FOXR2: variants seen among roughly 807,000 people sequenced by gnomAD.
The protein encoded by FOXR2 is forkhead box protein R2.
For synonymous variants in FOXR2, 109 were observed against 84.1 expected, an observed-to-expected ratio of 1.30 and a Z score of -1.62; for missense variants, 234 against 227.1, an observed-to-expected ratio of 1.03 and a Z score of -0.20.
rs1454252535 is a variant in FOXR2, at chrX:55,625,759, A to G, written c.*1112A>G. ...TTTGCTAAAAAACAAAAAAAGAAAC[A>G]AGCCAGCAGCAACAACAAACACTAC... On this transcript the variant is annotated 3_prime_UTR_variant, in exon 1 of 1. Transcript: ENST00000339140. Among the ~76,000 whole-genome samples, 1 of 111,533 alleles carries G rather than the reference A, an allele frequency of 9.0e-6. No homozygotes were observed. The highest frequency in any genetic ancestry group is 2.8e-4 in the East Asian group (1 of 3,576).
rs1379844729 is a variant in FOXR2 at position 55,624,800 on chromosome X, G to C, written c.*153G>C. The C allele has an allele frequency of 6.7e-6, 3 of 448,640 alleles. No homozygotes were observed. The highest frequency in any genetic ancestry group is 8.5e-5 in the Admixed American group (2 of 23,630). The allele number at this position is 448,640 out of a possible 1,213,427, so 37.0% of individuals were successfully genotyped here. On this transcript the variant is annotated 3_prime_UTR_variant, in exon 1 of 1. Coordinates refer to ENST00000339140, the MANE Select transcript of FOXR2 (RefSeq NM_198451.4). ...TGGTGTTAAGTAAAGTTAGAGGTGGGTACAGGGGAGACAGAACTTAAATCC... is the reference window on the plus strand; with the variant it reads ...TGGTGTTAAGTAAAGTTAGAGGTGGCTACAGGGGAGACAGAACTTAAATCC...
At position 55,624,611 on chromosome X, in the gene FOXR2, T is replaced by A. The variant is rs1032947987; in HGVS notation, c.900T>A (p.Ser300Arg). 1.7e-6 allele frequency: 2 copies of A among 1,207,183 alleles called. No individual in the cohort carries two copies. The highest frequency in any genetic ancestry group is 3.0e-5 in the East Asian group (1 of 33,706). ...AQRERIQECM[S>R]QPELLTSLFD... Reference sequence around the variant, plus strand: ...GGGAGAGAATCCAAGAGTGCATGAGTCAGCCAGAGTTGTTGACCTCTCTCT... The same window carrying A: ...GGGAGAGAATCCAAGAGTGCATGAGACAGCCAGAGTTGTTGACCTCTCTCT... Residue 300 changes from serine (S) to arginine (R), a missense_variant, in exon 1 of 1, where the codon AGT becomes AGA. Ser to Arg is a moderately radical substitution (Grantham distance 110, BLOSUM62 -1). Transcript: ENST00000339140.
Position 55,624,253 on chromosome X carries a change from G to A in FOXR2, c.542G>A (p.Trp181Ter). 1 of 1,211,886 alleles carries A rather than the reference G, an allele frequency of 8.3e-7. No homozygotes were observed. Among genetic ancestry groups the A allele is most frequent in the Non-Finnish European group, 1.1e-6 (1 of 895,568 alleles). Residue 181 changes from tryptophan (W) to a stop codon, truncating the protein, a stop_gained, in exon 1 of 1, where the codon TGG becomes TAG. Transcript: ENST00000339140. LOFTEE classifies it low-confidence loss of function (END_TRUNC). The stretch of plus-strand genomic sequence containing the variant: ...AAATGTTACCAGAGCCAGAAACTAT[G>A]GCAAATCAACAACCAAGAGAAGTCC... Reference protein sequence around the residue: ...EMKCYQSQKLWQINNQEKSWQ... With the variant: ...EMKCYQSQKL
rs764020624 is a variant in FOXR2 at position 55,624,935 on chromosome X, T to C, written c.*288T>C. Reference sequence around the variant, plus strand: ...GGCATAGAAACTAAGGAAAGAAGGGTGTGTTTTGTGAAAGAAAGGAATTTT... The same window carrying C: ...GGCATAGAAACTAAGGAAAGAAGGGCGTGTTTTGTGAAAGAAAGGAATTTT... On this transcript the variant is annotated 3_prime_UTR_variant, in exon 1 of 1. Coordinates refer to ENST00000339140, the MANE Select transcript of FOXR2 (RefSeq NM_198451.4). The C allele has an allele frequency of 3.3e-6, 1 of 300,805 alleles. No homozygotes were observed. The highest frequency in any genetic ancestry group is 5.4e-5 in the East Asian group (1 of 18,429). The allele number at this position is 300,805 out of a possible 1,213,427, so 24.8% of individuals were successfully genotyped here.
rs752505595 is a variant in FOXR2, at chrX:55,624,546, C to T, written c.835C>T (p.Arg279Cys). The T allele has an allele frequency of 1.4e-4, 174 of 1,210,007 alleles. No individual in the cohort carries two copies. Among genetic ancestry groups the T allele is most frequent in the Non-Finnish European group, 1.9e-4 (167 of 894,702 alleles). Residue 279 changes from arginine to cysteine, a missense_variant, in exon 1 of 1, where the codon CGC becomes TGC. Coordinates refer to ENST00000339140, the MANE Select transcript of FOXR2 (RefSeq NM_198451.4). ...GAAGCTCACTAAGGAGGGGCACCGC[C>T]GCTTTTGGGAGGAGACTCGTGTCTT... ...LWKLTKEGHR[R>C]FWEETRVLAF... is the part of the protein sequence containing the mutation.
chrX:55,624,010 G>C lies in FOXR2; in HGVS notation c.299G>C (p.Gly100Ala), dbSNP rs1327158469. ...AGCCAGGAGGCCCCAAAGCCCAGTG[G>C]AAAAGAGGATCTGACAAACATTTCT... ...LGSQEAPKPS[G>A]KEDLTNISPF... Residue 100 changes from glycine to alanine, a missense_variant, in exon 1 of 1, where the codon GGA becomes GCA. Transcript: ENST00000339140. 6 of 1,211,551 alleles carry C rather than the reference G, an allele frequency of 5.0e-6. No individual in the cohort carries two copies. The South Asian group carries it at 1.1e-4, about 21-fold the overall frequency.
In FOXR2 at chrX:55,624,704, G is replaced by A. The variant is rs940241676; in HGVS notation, c.*57G>A. The A allele has an allele frequency of 1.1e-6, 1 of 932,639 alleles. No individual in the cohort carries two copies. Among genetic ancestry groups the A allele is most frequent in the Non-Finnish European group, 1.5e-6 (1 of 664,209 alleles). 76.9% of individuals were successfully genotyped at this position (932,639 alleles called of 1,213,427 possible). On this transcript the variant is annotated 3_prime_UTR_variant, in exon 1 of 1. Transcript: ENST00000339140. ...TCCTTACTGTGCCTACTTATCCCCT[G>A]ACATTCATTAATCTCTAAACTTACC...
Position 55,623,441 on chromosome X carries a change from A to G in FOXR2, c.-271A>G, listed in dbSNP as rs761989020. 1.4e-5 allele frequency: 4 copies of G among 288,898 alleles called. 1 individual carries two copies. The East Asian group carries it at 2.0e-4, about 15-fold the overall frequency. The allele number at this position is 288,898 out of a possible 1,213,427, so 23.8% of individuals were successfully genotyped here. A position where few individuals can be genotyped will look rare whatever the true frequency, so the allele number is the denominator to read the frequency against. ...TTTCTGCTTCCAATCAAAGCTCAAG[A>G]ATTCCACCTAAAAATGTTTTTCTGC... On this transcript the variant is annotated 5_prime_UTR_variant, in exon 1 of 1. Transcript: ENST00000339140.
At position 55,624,847 on chromosome X, in the gene FOXR2, C is replaced by T. The variant is rs763158461; in HGVS notation, c.*200C>T. 6 of 379,091 alleles carry T rather than the reference C, an allele frequency of 1.6e-5. No individual in the cohort carries two copies. Among genetic ancestry groups the T allele is most frequent in the Admixed American group, 4.8e-5 (1 of 21,031 alleles). 31.2% of individuals were successfully genotyped at this position (379,091 alleles called of 1,213,427 possible). A position where few individuals can be genotyped will look rare whatever the true frequency, so the allele number is the denominator to read the frequency against. Reference sequence around the variant, plus strand: ...ATCCAGGTGGAGAGTCATGGAAAGTCGCACGAGGAGAGTGGCTGTTGTTCC... The same window carrying T: ...ATCCAGGTGGAGAGTCATGGAAAGTTGCACGAGGAGAGTGGCTGTTGTTCC... On this transcript the variant is annotated 3_prime_UTR_variant, in exon 1 of 1. Transcript: ENST00000339140.
chrX:55,624,361 A>G lies in FOXR2; in HGVS notation c.650A>G (p.Glu217Gly), dbSNP rs747263164. ...NNPHCGLSVQ[E>G]IYNFTRQHFP... ...CCCCACTGTGGCCTCAGTGTGCAGG[A>G]GATCTACAATTTCACCCGACAGCAT... is the stretch of plus-strand genomic sequence containing the variant. The change falls in exon 1 of 1, where the codon GAG (glutamate) becomes GGG (glycine). Residue 217 changes from glutamate (E) to glycine (G), a missense_variant. Transcript: ENST00000339140. 1.8e-5 allele frequency: 22 copies of G among 1,210,902 alleles called. No homozygotes were observed. In the East Asian group the frequency reaches 6.5e-4, roughly 36 times the overall value.
At position 55,624,738 on chromosome X, in the gene FOXR2, T is replaced by C. The variant is rs2032327467; in HGVS notation, c.*91T>C. On this transcript the variant is annotated 3_prime_UTR_variant, in exon 1 of 1. Transcript: ENST00000339140. ...TAATCTCTAAACTTACCCAGCCTGG[T>C]TGGTGCCAAGTCTGTCTTTAGCTAC... 1 of 722,763 alleles carries C rather than the reference T, an allele frequency of 1.4e-6. No homozygotes were observed. The highest frequency in any genetic ancestry group is 2.1e-6 in the Non-Finnish European group (1 of 485,776). 59.6% of individuals were successfully genotyped at this position (722,763 alleles called of 1,213,427 possible).
At position 55,624,602 on chromosome X, in the gene FOXR2, G is replaced by C. The variant is rs780461913; in HGVS notation, c.891G>C (p.Glu297Asp). 3 of 1,210,693 alleles carry C rather than the reference G, an allele frequency of 2.5e-6. No individual in the cohort carries two copies. The highest frequency in any genetic ancestry group is 3.4e-6 in the Non-Finnish European group (3 of 894,383). The change falls in exon 1 of 1, where the codon GAG becomes GAC. Residue 297 changes from glutamate to aspartate, a missense_variant. Coordinates refer to ENST00000339140, the MANE Select transcript of FOXR2 (RefSeq NM_198451.4). Reference sequence around the variant, plus strand: ...TTGCTCAAAGGGAGAGAATCCAAGAGTGCATGAGTCAGCCAGAGTTGTTGA... The same window carrying C: ...TTGCTCAAAGGGAGAGAATCCAAGACTGCATGAGTCAGCCAGAGTTGTTGA... ...LAFAQRERIQECMSQPELLTS... is the reference protein window; with the variant it reads ...LAFAQRERIQDCMSQPELLTS...
rs1384504002 is a variant in FOXR2, at chrX:55,624,066, G to T, written c.355G>T (p.Gly119Trp). 3 of 1,209,923 alleles carry T rather than the reference G, an allele frequency of 2.5e-6. No individual in the cohort carries two copies. The highest frequency in any genetic ancestry group is 1.7e-5 in the African/African-American group (1 of 57,181). ...CCCTCAGCCCCCACAAAAAGACGAA[G>T]GGTCTAACTGCTCAGAGGACAAAGT... is the stretch of plus-strand genomic sequence containing the variant. ...PFPQPPQKDE[G>W]SNCSEDKVVE... Residue 119 changes from glycine to tryptophan, a missense_variant, in exon 1 of 1, where the codon GGG becomes TGG. Transcript: ENST00000339140.
At position 55,623,403 on chromosome X, in the gene FOXR2, C is replaced by T; in HGVS notation, c.-309C>T. 3.8e-6 allele frequency: 1 copy of T among 260,810 alleles called. No individual in the cohort carries two copies. The highest frequency in any genetic ancestry group is 6.8e-6 in the Non-Finnish European group (1 of 148,044). 21.5% of individuals were successfully genotyped at this position (260,810 alleles called of 1,213,427 possible). A position where few individuals can be genotyped will look rare whatever the true frequency, so the allele number is the denominator to read the frequency against. On this transcript the variant is annotated 5_prime_UTR_variant, in exon 1 of 1. Coordinates refer to ENST00000339140, the MANE Select transcript of FOXR2 (RefSeq NM_198451.4). ...TTGCACATAATTCAGTTTATAATTC[C>T]TCTTGAAGTGACTTTCTGCTTCCAA...
rs2032333072 is a variant in FOXR2 at position 55,625,426 on chromosome X, T to A, written c.*779T>A. 3 of 113,536 alleles carry A rather than the reference T, an allele frequency of 2.6e-5. No homozygotes were observed. In the Admixed American group the frequency reaches 2.9e-4, roughly 11 times the overall value. 9.4% of individuals were successfully genotyped at this position (113,536 alleles called of 1,213,427 possible). A position where few individuals can be genotyped will look rare whatever the true frequency, so the allele number is the denominator to read the frequency against. ...GAGGGATACTAGTGGGAGACATATT[T>A]ATAATGTAAATATGATGAAACAGAT... On this transcript the variant is annotated 3_prime_UTR_variant, in exon 1 of 1. Coordinates refer to ENST00000339140, the MANE Select transcript of FOXR2 (RefSeq NM_198451.4).
rs1017018882 is a variant in FOXR2, at chrX:55,625,117, C to A, written c.*470C>A. On this transcript the variant is annotated 3_prime_UTR_variant, in exon 1 of 1. Coordinates refer to ENST00000339140, the MANE Select transcript of FOXR2 (RefSeq NM_198451.4). ...TTCCCCTTCTACCATTCATCAGCTA[C>A]ATCTCCTTTTTAAGTAACCCATTTT... The A allele has an allele frequency of 7.9e-6, 1 of 126,517 alleles. No homozygotes were observed. Among genetic ancestry groups the A allele is most frequent in the Non-Finnish European group, 1.8e-5 (1 of 55,604 alleles). The allele number at this position is 126,517 out of a possible 1,213,427, so 10.4% of individuals were successfully genotyped here.
rs1313296345 is a variant in FOXR2, at chrX:55,624,231, T to C, written c.520T>C (p.Cys174Arg). 8.3e-7 allele frequency: 1 copy of C among 1,211,482 alleles called. No individual in the cohort carries two copies. Among genetic ancestry groups the C allele is most frequent in the East Asian group, 3.0e-5 (1 of 33,822 alleles). ...CTCCCTCCAGTCCCCTGAAATGAAA[T>C]GTTACCAGAGCCAGAAACTATGGCA... ...DNSLQSPEMK[C>R]YQSQKLWQIN... Residue 174 changes from cysteine to arginine, a missense_variant, in exon 1 of 1, where the codon TGT (cysteine) becomes CGT (arginine). Transcript: ENST00000339140.
In FOXR2 at chrX:55,625,937, A is replaced by G. The variant is rs1407400727; in HGVS notation, c.*1290A>G. 5.4e-5 allele frequency among the ~76,000 whole-genome samples: 6 copies of G among 111,423 alleles called. No individual in the cohort carries two copies. The Admixed American group carries it at 5.8e-4, about 11-fold the overall frequency. On this transcript the variant is annotated 3_prime_UTR_variant, in exon 1 of 1. Coordinates refer to ENST00000339140, the MANE Select transcript of FOXR2 (RefSeq NM_198451.4). Reference sequence around the variant, plus strand: ...TTTTAGGTATAAATTTAGTTGCAAAACCTTCATAATGGGGGTACAAAAACG... The same window carrying G: ...TTTTAGGTATAAATTTAGTTGCAAAGCCTTCATAATGGGGGTACAAAAACG...
chrX:55,623,953 G>A lies in FOXR2; in HGVS notation c.242G>A (p.Trp81Ter). 8.3e-7 allele frequency: 1 copy of A among 1,211,403 alleles called. No individual in the cohort carries two copies. The highest frequency in any genetic ancestry group is 1.7e-5 in the African/African-American group (1 of 57,844). ...CCCTGTGAACCCAATCTGTGGATGT[G>A]GGTGGACCCCAATATCCTGTGCCCC... ...GPPCEPNLWM[W>*]VDPNILCPLG... The change falls in exon 1 of 1, where the codon TGG (tryptophan) becomes TAG (stop). Residue 81 changes from tryptophan to a stop codon, truncating the protein, a stop_gained. Coordinates refer to ENST00000339140, the MANE Select transcript of FOXR2 (RefSeq NM_198451.4). LOFTEE classifies it low-confidence loss of function (END_TRUNC).
Sources: gnomAD v4.1 joint callset for allele counts (sites outside exome capture counted in the v4.1 genomes callset) on GRCh38, gnomAD v4.1.1 for gene constraint, MANE v1.5 for transcripts, NCBI Gene and HGNC (gene_info 2026-07-23, HGNC 2026-07-21) for gene names.